Variants in CFAP61 observed in about 807,000 individuals in gnomAD.
CFAP61 encodes cilia and flagella associated protein 61.
In CFAP61, 107 loss-of-function variants were observed where a neutral mutation model predicts 135.6. The observed-to-expected ratio is 0.79, with a 90% confidence interval of 0.67 to 0.93. CFAP61 has a LOEUF of 0.93. Among genes scored for constraint, CFAP61 ranks in the 40% least tolerant of loss-of-function variants. The pLI is 0.00. For missense variants in CFAP61, 1,507 were observed against 1,556.2 expected, an observed-to-expected ratio of 0.97 and a Z score of 0.53; for synonymous variants, 575 against 578.5, an observed-to-expected ratio of 0.99 and a Z score of 0.09.
chr20:20,214,718 A>G (rs1182043313), intron 17 of CFAP61, among the ~76,000 whole-genome samples: 2 of 152,250 alleles, frequency 1.3e-5, no homozygotes, highest in African/African-American at 4.8e-5. Flanking sequence ...AGTCACTATT[A>G]GAGATGAAGG....
At chr20:20,221,399 T>C (rs1236072798) in intron 17 of CFAP61, among the ~76,000 whole-genome samples, 1 of 152,216 alleles carries the variant, frequency 6.6e-6, no homozygotes, top group Non-Finnish European at 1.5e-5. Flanking sequence ...TATTATTTAA[T>C]TGGAAACAAG....
chr20:20,301,732 T>G (rs945911307), intron 25 of CFAP61, among the ~76,000 whole-genome samples: 2 of 152,212 alleles, frequency 1.3e-5, no homozygotes, highest in African/African-American at 4.8e-5. Flanking sequence ...TTCACAGAAG[T>G]TATTTATAAA....
intron 8 of CFAP61, among the ~76,000 whole-genome samples, chr20:20,122,281 G>A (rs577431816): frequency 5.3e-5 from 8 of 152,088 alleles, no homozygotes; most frequent in East Asian, 1.9e-4. Context: ...AGCCTCTCCC[G>A]AGCAGCTGGG....
At chr20:20,229,670 T>A (rs1046930374) in intron 18 of CFAP61, among the ~76,000 whole-genome samples, 1 of 152,226 alleles carries the variant, frequency 6.6e-6, no homozygotes, top group Non-Finnish European at 1.5e-5. Context: ...TTTGCTCATT[T>A]AACATCACAT....
chr20:20,064,385 C>G (rs549722138), intron 2 of CFAP61, among the ~76,000 whole-genome samples: 1 of 152,102 alleles, frequency 6.6e-6, no homozygotes, highest in Non-Finnish European at 1.5e-5. Flanking sequence ...TAAAGGAAGC[C>G]TTTTACGGCT....
intron 15 of CFAP61, among the ~76,000 whole-genome samples, chr20:20,192,038 G>T (rs2055956536): frequency 6.6e-6 from 1 of 151,636 alleles, no homozygotes; most frequent in Non-Finnish European, 1.5e-5. Flanking sequence ...CTCTCATTTG[G>T]TGTCTTCTAA....
rs760073287 is a variant in CFAP61 at position 20,056,811 on chromosome 20, A to G, written c.143+15A>G. 1.9e-6 allele frequency: 3 copies of G among 1,612,806 alleles called. No homozygotes were observed. Among genetic ancestry groups the G allele is most frequent in the Non-Finnish European group, 2.5e-6 (3 of 1,179,124 alleles). ...ATCTATCTTCTGTAAGTAGATAACT[A>G]AGTTCAAGAATGTTCATCAATTTTG... On this transcript the variant is annotated intron_variant, in intron 2 of 26. Transcript: ENST00000245957.
At position 20,231,604 on chromosome 20, in the gene CFAP61, C is replaced by G. The variant is rs766938746; in HGVS notation, c.2060+3228C>G. Among the ~76,000 whole-genome samples, 42 of 152,308 alleles carry G rather than the reference C, an allele frequency of 2.8e-4. 1 individual carries two copies. The highest frequency in any genetic ancestry group is 4.4e-4 in the Non-Finnish European group (30 of 68,026). On this transcript the variant is annotated intron_variant, in intron 18 of 26. Transcript: ENST00000245957. ...GGCTCAGCTAATTGGTTCCCTCCCC[C>G]CTTGTCTGGTGCACTTGGCCTCTGA... is the stretch of plus-strand genomic sequence containing the variant.
intron 25 of CFAP61, among the ~76,000 whole-genome samples, chr20:20,319,229 G>A (rs2057306635): frequency 1.3e-5 from 2 of 152,222 alleles, no homozygotes; most frequent in African/African-American, 2.4e-5. Context: ...AGTGAGTAAA[G>A]CAGGTCACTT....
intron 8 of CFAP61, among the ~76,000 whole-genome samples, chr20:20,118,253 G>GTTTGTTTGTTTGTTTC (rs1555872842): frequency 7.2e-6 from 1 of 138,532 alleles, no homozygotes; most frequent in African/African-American, 2.7e-5. Context: ...TTTGAGGTAT[G>GTTTGTTTGTTTGTTTC]TTTCTTTCTT....
intron 26 of CFAP61, among the ~76,000 whole-genome samples, chr20:20,352,962 T>C (rs2058897471): frequency 6.6e-6 from 1 of 152,192 alleles, no homozygotes; most frequent in African/African-American, 2.4e-5. Context: ...ATATCCAATT[T>C]TGGCTAATAT....
intron 25 of CFAP61, among the ~76,000 whole-genome samples, chr20:20,341,248 G>T (rs555957277): frequency 6.6e-6 from 1 of 152,192 alleles, no homozygotes; most frequent in Admixed American, 6.5e-5. Flanking sequence ...GTTAAATAAA[G>T]GATAATCTTA....
intron 25 of CFAP61, among the ~76,000 whole-genome samples, chr20:20,333,859 G>C (rs1041094958): frequency 2.6e-5 from 4 of 152,178 alleles, no homozygotes; most frequent in African/African-American, 9.6e-5. Flanking sequence ...AGGACCTAAA[G>C]GAAAACTTGT....
At chr20:20,102,505 C>T (rs959281756) in intron 8 of CFAP61, among the ~76,000 whole-genome samples, 6 of 152,108 alleles carry the variant, frequency 3.9e-5, no homozygotes, top group African/African-American at 1.4e-4. Flanking sequence ...CTTTTAAGTT[C>T]AGGGGTACAT....
rs573512860 is a variant in CFAP61 at position 20,238,582 on chromosome 20, A to T, written c.2061-7535A>T. Among the ~76,000 whole-genome samples, 13 of 152,388 alleles carry T rather than the reference A, an allele frequency of 8.5e-5. No individual in the cohort carries two copies. The South Asian group carries it at 2.7e-3, about 32-fold the overall frequency. Reference sequence around the variant, plus strand: ...CACCCTGCAGACACGCACAGCACACACAAAATCAGCTAGAAAATAACTAGC... The same window carrying T: ...CACCCTGCAGACACGCACAGCACACTCAAAATCAGCTAGAAAATAACTAGC... On this transcript the variant is annotated intron_variant, in intron 18 of 26. Coordinates refer to ENST00000245957, the MANE Select transcript of CFAP61 (RefSeq NM_015585.4).
At chr20:20,284,852 TAA>T (rs1405349600) in intron 22 of CFAP61, among the ~76,000 whole-genome samples, 1 of 152,218 alleles carries the variant, frequency 6.6e-6, no homozygotes, top group African/African-American at 2.4e-5. Flanking sequence ...TTTGAAGAAT[TAA>T]AAAGAATAGT....
Position 20,066,393 on chromosome 20 carries a change from C to T in CFAP61, c.144-4461C>T, listed in dbSNP as rs1406726280. On this transcript the variant is annotated intron_variant, in intron 2 of 26. Transcript: ENST00000245957. ...ACATGCACACGTATGCTTATTGCAGCACCATTCACAATAGCAAAGACTTGG... is the reference window on the plus strand; with the variant it reads ...ACATGCACACGTATGCTTATTGCAGTACCATTCACAATAGCAAAGACTTGG... Among the ~76,000 whole-genome samples the T allele has an allele frequency of 9.8e-5, 15 of 152,312 alleles. 2 individuals are homozygous for T. In the South Asian group the frequency reaches 2.9e-3, roughly 29 times the overall value.
chr20:20,082,363 C>T (rs1257334652), intron 6 of CFAP61, among the ~76,000 whole-genome samples: 2 of 152,218 alleles, frequency 1.3e-5, no homozygotes, highest in African/African-American at 4.8e-5. Context: ...TTGATTTACC[C>T]ATGTGGAAAA....
At chr20:20,067,927 C>T (rs1402422829) in intron 2 of CFAP61, among the ~76,000 whole-genome samples, 1 of 151,644 alleles carries the variant, frequency 6.6e-6, no homozygotes, top group Non-Finnish European at 1.5e-5. Context: ...GATAATGCTA[C>T]AAAAGTTACT....
Sources: gnomAD v4.1 joint callset for allele counts (sites outside exome capture counted in the v4.1 genomes callset) on GRCh38, gnomAD v4.1.1 for gene constraint, MANE v1.5 for transcripts, NCBI Gene and HGNC (gene_info 2026-07-23, HGNC 2026-07-21) for gene names.